The following AGMAT variants were observed in gnomAD, a reference collection of about 807,000 sequenced individuals.
AGMAT encodes the protein guanidino acid hydrolase, mitochondrial.
In AGMAT, 37 loss-of-function variants were observed where a neutral mutation model predicts 29.3. That is an observed-to-expected ratio of 1.26 (90% CI 0.97 to 1.66). AGMAT has a LOEUF of 1.66. AGMAT is among the 40% of genes most tolerant of loss of function. AGMAT has a pLI of 0.00. For missense variants in AGMAT, 498 were observed against 497.8 expected (o/e 1.00, Z 0.00); for synonymous variants, 199 against 200.8 (o/e 0.99, Z 0.08).
chr1:15,578,808 G>A lies in AGMAT; in HGVS notation c.720+51C>T, dbSNP rs770905898. The A allele has an allele frequency of 3.8e-5, 60 of 1,590,008 alleles. No individual in the cohort carries two copies. In the Middle Eastern group the frequency reaches 8.3e-4, roughly 22 times the overall value. On this transcript the variant is annotated intron_variant, in intron 4 of 6. Coordinates refer to ENST00000375826, the MANE Select transcript of AGMAT (RefSeq NM_024758.5). ...CCCTGGCTGCCACTGGTGAGGCAAC[G>A]GAGAGGAAGACATTTTGAGGGGCAA...
At chr1:15,576,274 G>C (rs533547919) in intron 5 of AGMAT, among the ~76,000 whole-genome samples, 7 of 149,770 alleles carry the variant, frequency 4.7e-5, no homozygotes, top group Non-Finnish European at 8.9e-5. Flanking sequence ...GGCTAATTTT[G>C]TATTTTTAGT....
At chr1:15,581,341 C>A (rs13374406) in intron 2 of AGMAT, among the ~76,000 whole-genome samples, 1 of 151,818 alleles carries the variant, frequency 6.6e-6, no homozygotes, top group Admixed American at 6.6e-5. Flanking sequence ...AGAGTGAGAC[C>A]GTGTCTCAAA....
chr1:15,584,743 G>A lies in AGMAT; in HGVS notation c.225C>T (p.Phe75=). The change falls in exon 1 of 7, where the codon TTC becomes TTT. Residue 75 remains phenylalanine (F), a synonymous_variant. Coordinates refer to ENST00000375826, the MANE Select transcript of AGMAT (RefSeq NM_024758.5). ...QTSPEGLDAA[F]IGVPLDTGTS... is the part of the protein sequence containing the mutation. ...TCCCAGTATCCAGGGGCACCCCGAT[G>A]AAGGCAGCGTCCAGCCCCTCGGGGG... 1 of 1,348,072 alleles carries A rather than the reference G, an allele frequency of 7.4e-7. No homozygotes were observed. The highest frequency in any genetic ancestry group is 3.1e-5 in the Admixed American group (1 of 32,498). The allele number at this position is 1,348,072 out of a possible 1,614,324, so 83.5% of individuals were successfully genotyped here.
chr1:15,582,035 G>A (rs188612332), intron 2 of AGMAT, among the ~76,000 whole-genome samples: 71 of 151,964 alleles, frequency 4.7e-4, no homozygotes, highest in African/African-American at 1.7e-3. Context: ...TTGGAAGGCC[G>A]AGGTGGGCAG....
chr1:15,575,729 T>TTTA (rs373735878), intron 5 of AGMAT: 1 of 142,702 alleles, frequency 7.0e-6, no homozygotes, highest in Non-Finnish European at 1.5e-5. Flanking sequence ...TCACATGCAC[T>TTTA]TTTATTTATT....
In AGMAT at chr1:15,576,740, C is replaced by CTTTTTTT. The variant is rs59203066; in HGVS notation, c.900+938_900+944dup. Among the ~76,000 whole-genome samples the CTTTTTTT allele has an allele frequency of 1.9e-3, 69 of 35,788 alleles. 10 individuals are homozygous for CTTTTTTT. Among genetic ancestry groups the CTTTTTTT allele is most frequent in the Non-Finnish European group, 2.3e-3 (46 of 19,864 alleles). The allele number at this position is 35,788 out of a possible 152,430, so 23.5% of individuals were successfully genotyped here. ...ACGACACCTGGCCAAGTTTAGTGTTCTTTTTTTTTTTTTTTTTTTTTTTTT... is the reference window on the plus strand; with the variant it reads ...ACGACACCTGGCCAAGTTTAGTGTTCTTTTTTTTTTTTTTTTTTTTTTTTTTTTTTTT... On this transcript the variant is annotated intron_variant, in intron 5 of 6. Transcript: ENST00000375826.
At chr1:15,584,655 G>A in intron 1 of AGMAT, 41 bp downstream of exon 1, 4 of 1,273,510 alleles carry the variant, frequency 3.1e-6, no homozygotes, top group Non-Finnish European at 4.0e-6. Context: ...CCAGCAAGCA[G>A]TCCCTCCACG....
In AGMAT at chr1:15,583,296, T is replaced by C. The variant is rs147927910; in HGVS notation, c.372A>G (p.Leu124=). The part of the protein sequence containing the change: ...LPFQSLMVAD[L]GDVNVNLYNL... ...TGTAAAGATTGACATTCACATCGCCTAGGTCTGCAACCATGAGGGACTGGA... is the reference window on the plus strand; with the variant it reads ...TGTAAAGATTGACATTCACATCGCCCAGGTCTGCAACCATGAGGGACTGGA... The change falls in exon 2 of 7, where the codon CTA becomes CTG. Residue 124 remains leucine (L), a synonymous_variant. Coordinates refer to ENST00000375826, the MANE Select transcript of AGMAT (RefSeq NM_024758.5). 1,233 of 1,614,172 alleles carry C rather than the reference T, an allele frequency of 7.6e-4. 1 individual carries two copies. Among genetic ancestry groups the C allele is most frequent in the Non-Finnish European group, 9.4e-4 (1,111 of 1,180,024 alleles).
Position 15,584,910 on chromosome 1 carries a change from GCGCGCCCACGC to G in AGMAT, c.47_57del (p.Gly16AlafsTer91). On this transcript the variant is annotated frameshift_variant, in exon 1 of 7. Coordinates refer to ENST00000375826, the MANE Select transcript of AGMAT (RefSeq NM_024758.5). LOFTEE classifies it high-confidence loss of function. ...GGATGAAAGAGCCCTGCGGCAGGACGCGCGCCCACGCCGGGCCCCGGGCCCCGGGCGCACCC... is the reference window on the plus strand; with the variant it reads ...GGATGAAAGAGCCCTGCGGCAGGACGCGGGCCCCGGGCCCCGGGCGCACCC... 1 of 1,384,782 alleles carries G rather than the reference GCGCGCCCACGC, an allele frequency of 7.2e-7. No homozygotes were observed. Among genetic ancestry groups the G allele is most frequent in the Non-Finnish European group, 9.3e-7 (1 of 1,077,596 alleles). The allele number at this position is 1,384,782 out of a possible 1,614,324, so 85.8% of individuals were successfully genotyped here.
At chr1:15,584,371 C>T (rs985001962) in intron 1 of AGMAT, among the ~76,000 whole-genome samples, 13 of 150,842 alleles carry the variant, frequency 8.6e-5, no homozygotes, top group Non-Finnish European at 1.8e-4. Flanking sequence ...AGGATGGTCT[C>T]GAACTCCTGA....
chr1:15,573,335 T>C lies in AGMAT; in HGVS notation c.*316A>G, dbSNP rs748226692. The C allele has an allele frequency of 3.8e-6, 1 of 262,052 alleles. No individual in the cohort carries two copies. Among genetic ancestry groups the C allele is most frequent in the African/African-American group, 2.2e-5 (1 of 45,842 alleles). 16.2% of individuals were successfully genotyped at this position (262,052 alleles called of 1,614,324 possible). ...TATTATTTCATAGTTTTTTTAAATG[T>C]CATGTTTCTAATGTTTAGATAATCT... On this transcript the variant is annotated 3_prime_UTR_variant, in exon 7 of 7. Transcript: ENST00000375826.
Position 15,583,124 on chromosome 1 carries a change from G to GC in AGMAT, c.475+68dup. The GC allele has an allele frequency of 3.6e-6, 5 of 1,397,292 alleles. No individual in the cohort carries two copies. The South Asian group carries it at 6.0e-5, about 17-fold the overall frequency. The allele number at this position is 1,397,292 out of a possible 1,614,324, so 86.6% of individuals were successfully genotyped here. A position where few individuals can be genotyped will look rare whatever the true frequency, so the allele number is the denominator to read the frequency against. ...GCAGGGGAGAAGTAGCTGTACTCAA[G>GC]CCCCTGAGTACAGGATAAGTAAACC... is the stretch of plus-strand genomic sequence containing the variant. On this transcript the variant is annotated intron_variant, in intron 2 of 6. Coordinates refer to ENST00000375826, the MANE Select transcript of AGMAT (RefSeq NM_024758.5).
chr1:15,580,201 CTTTTTTTTTTTT>C, intron 2 of AGMAT, 59 bp from the exon 3 acceptor site: 9 of 567,924 alleles, frequency 1.6e-5, no homozygotes, highest in Admixed American at 3.8e-5. Context: ...ATAGAATAAT[CTTTTTTTTTTTT>C]TTTTTTTTTT....
rs375814227 is a variant in AGMAT at position 15,574,590 on chromosome 1, T to G, written c.985+167A>C. Reference sequence around the variant, plus strand: ...ATGGGGTTTCGCCATGTTGGCCAAATTGGTCTTGAACTCCTGACCTCAGGT... The same window carrying G: ...ATGGGGTTTCGCCATGTTGGCCAAAGTGGTCTTGAACTCCTGACCTCAGGT... On this transcript the variant is annotated intron_variant, in intron 6 of 6. Transcript: ENST00000375826. 1.6e-4 allele frequency among the ~76,000 whole-genome samples: 24 copies of G among 152,096 alleles called. No homozygotes were observed. In the East Asian group the frequency reaches 4.5e-3, roughly 28 times the overall value.
In AGMAT at chr1:15,572,697, T is replaced by C. The variant is rs1358335333; in HGVS notation, c.*954A>G. Reference sequence around the variant, plus strand: ...GTTTAGAAGACATTTTGTGTACCCTTCTAGGCCTCTGAGCAAGAAGTTTCT... The same window carrying C: ...GTTTAGAAGACATTTTGTGTACCCTCCTAGGCCTCTGAGCAAGAAGTTTCT... On this transcript the variant is annotated 3_prime_UTR_variant, in exon 7 of 7. Transcript: ENST00000375826. 1 of 152,122 alleles carries C rather than the reference T, an allele frequency of 6.6e-6. No individual in the cohort carries two copies. Among genetic ancestry groups the C allele is most frequent in the Non-Finnish European group, 1.5e-5 (1 of 68,044 alleles). The allele number at this position is 152,122 out of a possible 1,614,324, so 9.4% of individuals were successfully genotyped here. A position where few individuals can be genotyped will look rare whatever the true frequency, so the allele number is the denominator to read the frequency against.
intron 2 of AGMAT, among the ~76,000 whole-genome samples, chr1:15,582,174 C>CAGG (rs71572166): frequency 0.63 from 94,564 of 151,154 alleles, 30,587 homozygotes; most frequent in African/African-American, 0.79. Context: ...GAGGCTGAGA[C>CAGG]AGAATTGCTT....
At position 15,576,737 on chromosome 1, in the gene AGMAT, G is replaced by GTTTTT. The variant is rs1420717123; in HGVS notation, c.900+947_900+948insAAAAA. Among the ~76,000 whole-genome samples, 7 of 31,586 alleles carry GTTTTT rather than the reference G, an allele frequency of 2.2e-4. 1 individual carries two copies. Among genetic ancestry groups the GTTTTT allele is most frequent in the Admixed American group, 1.0e-3 (2 of 2,008 alleles). 20.7% of individuals were successfully genotyped at this position (31,586 alleles called of 152,430 possible). A position where few individuals can be genotyped will look rare whatever the true frequency, so the allele number is the denominator to read the frequency against. On this transcript the variant is annotated intron_variant, in intron 5 of 6. Transcript: ENST00000375826. The stretch of plus-strand genomic sequence containing the variant: ...GCCACGACACCTGGCCAAGTTTAGT[G>GTTTTT]TTCTTTTTTTTTTTTTTTTTTTTTT...
chr1:15,575,733 A>T (rs557217418), intron 5 of AGMAT: 1 of 129,822 alleles, frequency 7.7e-6, no homozygotes, highest in Non-Finnish European at 1.6e-5. Flanking sequence ...ATGCACTTTT[A>T]TTTATTTATT....
intron 4 of AGMAT, among the ~76,000 whole-genome samples, 192 bp downstream of exon 4, chr1:15,578,667 G>A (rs1639071447): frequency 6.6e-6 from 1 of 152,024 alleles, no homozygotes; most frequent in South Asian, 2.1e-4. Context: ...CCCAGCGATA[G>A]ACTTCCCATG....
Sources: allele counts gnomAD v4.1 joint callset (sites outside exome capture counted in the v4.1 genomes callset), GRCh38; gene constraint gnomAD v4.1.1; transcripts MANE v1.5; gene names NCBI Gene and HGNC (gene_info 2026-07-23, HGNC 2026-07-21).